Variants in EFHB observed in about 807,000 individuals in gnomAD.
EFHB encodes EF-hand domain family member B, also known as EF-hand domain-containing family member B.
A neutral mutation model predicts 87.2 loss-of-function variants in EFHB; 91 were observed. The ratio of observed to expected loss-of-function variants is 1.04; its 90% confidence interval spans 0.88 to 1.24. The LOEUF is 1.24. Ranked by LOEUF, EFHB falls within the 50% of genes most tolerant of loss-of-function variation. EFHB has a pLI of 0.00. For missense variants in EFHB, 1,084 were observed against 998.8 expected (o/e 1.09, Z -1.15); for synonymous variants, 325 against 333.6 (o/e 0.97, Z 0.28).
chr3:19,899,860 C>G (rs1485505404), intron 6 of EFHB, among the ~76,000 whole-genome samples: 6 of 151,730 alleles, frequency 4.0e-5, no homozygotes, highest in African/African-American at 1.5e-4. Flanking sequence ...ATGGCTTGAG[C>G]TCAGGAGTTT....
chr3:19,918,993 A>AG (rs1323686508), intron 3 of EFHB, among the ~76,000 whole-genome samples: 3 of 151,572 alleles, frequency 2.0e-5, no homozygotes, highest in Non-Finnish European at 4.4e-5. Context: ...AAAAAAAAAA[A>AG]AAAAAGAAGA....
At chr3:19,915,476 T>C in intron 4 of EFHB, 63 bp from the exon 5 acceptor site, 2 of 1,061,892 alleles carry the variant, frequency 1.9e-6, no homozygotes, top group Non-Finnish European at 2.8e-6. Context: ...AATACGTTTA[T>C]ATTGACTAGA....
chr3:19,888,437 T>G lies in EFHB; in HGVS notation c.1933+7A>C. ...AATAATTCATCAAACCTTCAAAAAT[T>G]AAATACCTTTAATAATGACCCTCTC... On this transcript the variant is annotated splice_region_variant and intron_variant, in intron 10 of 12. Transcript: ENST00000295824. 2.9e-6 allele frequency: 4 copies of G among 1,362,366 alleles called. No individual in the cohort carries two copies. Among genetic ancestry groups the G allele is most frequent in the Non-Finnish European group, 3.9e-6 (4 of 1,036,278 alleles). The allele number at this position is 1,362,366 out of a possible 1,614,324, so 84.4% of individuals were successfully genotyped here.
In EFHB at chr3:19,915,409, G is replaced by C. The variant is rs755470847; in HGVS notation, c.1182C>G (p.Tyr394Ter). 1.9e-6 allele frequency: 3 copies of C among 1,594,924 alleles called. No individual in the cohort carries two copies. Among genetic ancestry groups the C allele is most frequent in the Non-Finnish European group, 8.6e-7 (1 of 1,166,714 alleles). ...TTFGTAVIKE[Y>*]SAKDVVNPPK... Reference sequence around the variant, plus strand: ...GTGGATTCACCACATCTTTAGCAGAGTATTCTGAAGGAAGAATTAATAAAA... The same window carrying C: ...GTGGATTCACCACATCTTTAGCAGACTATTCTGAAGGAAGAATTAATAAAA... Residue 394 changes from tyrosine (Y) to a stop codon, truncating the protein, a stop_gained, in exon 5 of 13, where the codon TAC becomes TAG. Coordinates refer to ENST00000295824, the MANE Select transcript of EFHB (RefSeq NM_144715.4). LOFTEE classifies it high-confidence loss of function.
chr3:19,916,570 A>G (rs1225117041), intron 4 of EFHB, among the ~76,000 whole-genome samples: 2 of 152,112 alleles, frequency 1.3e-5, no homozygotes, highest in Non-Finnish European at 2.9e-5. Flanking sequence ...TGTATCCTCA[A>G]TGTAGCCAGA....
intron 5 of EFHB, among the ~76,000 whole-genome samples, chr3:19,911,287 C>T (rs143802588): frequency 1.1e-4 from 17 of 152,226 alleles, no homozygotes; most frequent in Non-Finnish European, 1.6e-4. Flanking sequence ...AAAGGCCAGG[C>T]GTGGTAGCTC....
At chr3:19,905,209 C>A (rs1694799445) in intron 6 of EFHB, among the ~76,000 whole-genome samples, 1 of 151,982 alleles carries the variant, frequency 6.6e-6, no homozygotes, top group South Asian at 2.1e-4. Flanking sequence ...CTATGAAGGC[C>A]CTACTGTACT....
At chr3:19,905,973 AT>A (rs1694830589) in intron 5 of EFHB, among the ~76,000 whole-genome samples, 1 of 152,194 alleles carries the variant, frequency 6.6e-6, no homozygotes, top group South Asian at 2.1e-4. Context: ...TTGTGTTAAT[AT>A]TTGAAAAGAC....
rs1300095448 is a variant in EFHB at position 19,908,594 on chromosome 3, G to GAAAGAA, written c.1289-2846_1289-2845insTTCTTT. ...AGAGAGAGAGAGAGAGAGAGAGAGA[G>GAAAGAA]AGAGAGAAAGAAAGAAAGAAAGAAA... is the stretch of plus-strand genomic sequence containing the variant. On this transcript the variant is annotated intron_variant, in intron 5 of 12. Transcript: ENST00000295824. Among the ~76,000 whole-genome samples, 434 of 91,196 alleles carry GAAAGAA rather than the reference G, an allele frequency of 4.8e-3. 2 individuals carry two copies. The highest frequency in any genetic ancestry group is 0.01 in the Middle Eastern group (2 of 200). 59.8% of individuals were successfully genotyped at this position (91,196 alleles called of 152,430 possible).
chr3:19,906,710 T>C (rs9854766), intron 5 of EFHB, among the ~76,000 whole-genome samples: 59,997 of 150,170 alleles, frequency 0.4, 12,119 homozygotes, highest in African/African-American at 0.45. Context: ...AAAAAAAAAA[T>C]CTTAAAAATT....
Position 19,883,279 on chromosome 3 carries a change from G to A in EFHB, c.2147-548C>T, listed in dbSNP as rs867772062. On this transcript the variant is annotated intron_variant, in intron 11 of 12. Coordinates refer to ENST00000295824, the MANE Select transcript of EFHB (RefSeq NM_144715.4). ...GCCTCCCAAGATTCTGGGATTATGGGCATGAGCCACCATGCCCAGCCTGGT... is the reference window on the plus strand; with the variant it reads ...GCCTCCCAAGATTCTGGGATTATGGACATGAGCCACCATGCCCAGCCTGGT... Among the ~76,000 whole-genome samples the A allele has an allele frequency of 9.2e-5, 14 of 152,260 alleles. No individual in the cohort carries two copies. The South Asian group carries it at 1.2e-3, about 14-fold the overall frequency.
chr3:19,923,977 A>C (rs749263875), intron 1 of EFHB, among the ~76,000 whole-genome samples: 1 of 152,194 alleles, frequency 6.6e-6, no homozygotes, highest in African/African-American at 2.4e-5. Context: ...CATGCCTATC[A>C]TCCCAGCACT....
At chr3:19,918,450 A>G (rs1292966499) in intron 3 of EFHB, 38 bp from the exon 4 acceptor site, 4 of 1,519,230 alleles carry the variant, frequency 2.6e-6, no homozygotes, top group East Asian at 2.3e-5. Flanking sequence ...TATCAACAAA[A>G]AAAGTATAAA....
rs772121270 is a variant in EFHB at position 19,933,530 on chromosome 3, G to C, written c.489C>G (p.Phe163Leu). The change falls in exon 1 of 13, where the codon TTC becomes TTG. Residue 163 changes from phenylalanine (F) to leucine (L), a missense_variant. Coordinates refer to ENST00000295824, the MANE Select transcript of EFHB (RefSeq NM_144715.4). ...GVEELVGKPA[F>L]VMEPRQEMEK... ...CCATTTCCTGTCTTGGTTCCATAAC[G>C]AAAGCAGGCTTTCCCACTAATTCCT... 1 of 1,613,912 alleles carries C rather than the reference G, an allele frequency of 6.2e-7. No individual in the cohort carries two copies. The highest frequency in any genetic ancestry group is 8.5e-7 in the Non-Finnish European group (1 of 1,179,874).
intron 4 of EFHB, among the ~76,000 whole-genome samples, chr3:19,916,305 G>A (rs974082734): frequency 1.3e-5 from 2 of 151,662 alleles, no homozygotes; most frequent in South Asian, 2.1e-4. Context: ...ATCTGGGGTC[G>A]GGAGTTCAAG....
intron 5 of EFHB, among the ~76,000 whole-genome samples, chr3:19,911,940 A>G (rs750640360): frequency 6.6e-4 from 100 of 152,132 alleles, no homozygotes; most frequent in Non-Finnish European, 1.4e-3. Context: ...GTGAGACTAA[A>G]TTTATTATTA....
At chr3:19,913,356 T>C (rs1695123748) in intron 5 of EFHB, among the ~76,000 whole-genome samples, 1 of 152,260 alleles carries the variant, frequency 6.6e-6, no homozygotes, top group South Asian at 2.1e-4. Context: ...AGTTACAAGA[T>C]ACAAAATAAA....
At chr3:19,912,291 T>C (rs1487584980) in intron 5 of EFHB, among the ~76,000 whole-genome samples, 1 of 152,112 alleles carries the variant, frequency 6.6e-6, no homozygotes, top group African/African-American at 2.4e-5. Context: ...GAGAGTGCCA[T>C]GACATATTTA....
chr3:19,895,989 A>G (rs1374801772), intron 9 of EFHB, among the ~76,000 whole-genome samples: 2 of 152,218 alleles, frequency 1.3e-5, no homozygotes, highest in Admixed American at 6.5e-5. Flanking sequence ...AAAGAATAAA[A>G]TTTAGAGTAG....
Sources: allele counts gnomAD v4.1 joint callset (sites outside exome capture counted in the v4.1 genomes callset), GRCh38; gene constraint gnomAD v4.1.1; transcripts MANE v1.5; gene names NCBI Gene and HGNC (gene_info 2026-07-23, HGNC 2026-07-21).